AOAH: variants seen among roughly 807,000 people sequenced by gnomAD.
AOAH encodes the protein acyloxyacyl hydrolase (neutrophil).
AOAH carries 64 observed loss-of-function variants against 92.2 expected under a neutral mutation model. The ratio of observed to expected loss-of-function variants is 0.69; its 90% confidence interval spans 0.57 to 0.86. The LOEUF (loss-of-function observed/expected upper bound fraction) is 0.86, where lower values mean the gene tolerates loss of function less well. Ranked by LOEUF, AOAH falls within the 40% of genes least tolerant of loss-of-function variation. The pLI is 0.00. For synonymous variants in AOAH, 263 were observed against 254.5 expected (o/e 1.03, Z -0.32); for missense variants, 656 against 694.6 (o/e 0.94, Z 0.62).
chr7:36,687,443 G>A (rs1450671317), intron 1 of AOAH, among the ~76,000 whole-genome samples: 1 of 152,082 alleles, frequency 6.6e-6, no homozygotes, highest in Non-Finnish European at 1.5e-5. Flanking sequence ...ACTTTGATAT[G>A]TGGTAAGTGT....
At chr7:36,627,943 A>C (rs1265774922) in intron 6 of AOAH, among the ~76,000 whole-genome samples, 1 of 152,196 alleles carries the variant, frequency 6.6e-6, no homozygotes, top group Non-Finnish European at 1.5e-5. Flanking sequence ...AAAAATGGTG[A>C]GAATGAATCT....
At chr7:36,714,251 C>T (rs1194133784) in intron 1 of AOAH, among the ~76,000 whole-genome samples, 1 of 152,182 alleles carries the variant, frequency 6.6e-6, no homozygotes, top group Non-Finnish European at 1.5e-5. Context: ...TTCCTCAACA[C>T]ATACACTCTC....
intron 11 of AOAH, among the ~76,000 whole-genome samples, chr7:36,600,670 C>A (rs917257409): frequency 1.4e-4 from 22 of 151,748 alleles, no homozygotes; most frequent in African/African-American, 4.8e-4. Flanking sequence ...CAGCACCATC[C>A]TCAGCTTCCC....
Position 36,530,531 on chromosome 7 carries a change from CAGGG to C in AOAH, c.1426-21_1426-18del, listed in dbSNP as rs773682897. 4.5e-5 allele frequency: 70 copies of C among 1,554,460 alleles called. No homozygotes were observed. Among genetic ancestry groups the C allele is most frequent in the Non-Finnish European group, 6.0e-5 (68 of 1,127,338 alleles). On this transcript the variant is annotated intron_variant, in intron 18 of 20. Coordinates refer to ENST00000617537, the MANE Select transcript of AOAH (RefSeq NM_001637.4). ...CTCTGCTCTCTGAAGAGAGAGGAAACAGGGAGAATTTCATGAAATCTAGACTTTG... is the reference window on the plus strand; with the variant it reads ...CTCTGCTCTCTGAAGAGAGAGGAAACAGAATTTCATGAAATCTAGACTTTG...
At chr7:36,626,815 T>C (rs957637514) in intron 6 of AOAH, among the ~76,000 whole-genome samples, 1 of 152,326 alleles carries the variant, frequency 6.6e-6, no homozygotes, top group East Asian at 1.9e-4. Flanking sequence ...GACGGGGTCT[T>C]GCTCTGTTGC....
At chr7:36,712,705 C>T (rs187190088) in intron 1 of AOAH, among the ~76,000 whole-genome samples, 2 of 152,066 alleles carry the variant, frequency 1.3e-5, no homozygotes, top group East Asian at 3.8e-4. Context: ...GAATTTTCAG[C>T]CCAGAATTTC....
rs188399949 is a variant in AOAH at position 36,647,293 on chromosome 7, G to A, written c.391-9383C>T. On this transcript the variant is annotated intron_variant, in intron 4 of 20. Transcript: ENST00000617537. ...AAAACTTCTTAGAGGGAATGACTTT[G>A]AGCTGAGCTCTAATGGGGGTGATTA... is the stretch of plus-strand genomic sequence containing the variant. Among the ~76,000 whole-genome samples, 76 of 152,332 alleles carry A rather than the reference G, an allele frequency of 5.0e-4. 1 individual carries two copies. The highest frequency in any genetic ancestry group is 1.8e-3 in the African/African-American group (73 of 41,570).
At chr7:36,539,657 G>C (rs1207393547) in intron 16 of AOAH, among the ~76,000 whole-genome samples, 1 of 152,142 alleles carries the variant, frequency 6.6e-6, no homozygotes, top group Non-Finnish European at 1.5e-5. Flanking sequence ...TGAGCTCTGT[G>C]GCATTTGGCA....
rs1156758105 is a variant in AOAH at position 36,657,868 on chromosome 7, T to G, written c.390+1298A>C. The stretch of plus-strand genomic sequence containing the variant: ...CATTTTAAATGGGACAATTTAAAGT[T>G]GAACTTTTTGCGACTATGTGTAGCT... On this transcript the variant is annotated intron_variant, in intron 4 of 20. Coordinates refer to ENST00000617537, the MANE Select transcript of AOAH (RefSeq NM_001637.4). Among the ~76,000 whole-genome samples, 6 of 152,348 alleles carry G rather than the reference T, an allele frequency of 3.9e-5. No individual in the cohort carries two copies. The East Asian group carries it at 1.2e-3, about 29-fold the overall frequency.
intron 11 of AOAH, among the ~76,000 whole-genome samples, chr7:36,613,273 A>AT (rs1791605571): frequency 6.6e-6 from 1 of 152,196 alleles, no homozygotes; most frequent in Non-Finnish European, 1.5e-5. Context: ...GTGTTTAGTG[A>AT]TAAGTCTGAT....
chr7:36,547,028 T>C (rs1221976444), intron 15 of AOAH, among the ~76,000 whole-genome samples: 2 of 152,270 alleles, frequency 1.3e-5, no homozygotes, highest in African/African-American at 4.8e-5. Flanking sequence ...CCAGCTTTGA[T>C]GCTCAATACC....
intron 1 of AOAH, among the ~76,000 whole-genome samples, chr7:36,690,811 A>G (rs4605948): frequency 0.22 from 33,760 of 152,166 alleles, 4,526 homozygotes; most frequent in African/African-American, 0.37. Flanking sequence ...GCACAGGAAA[A>G]GAAGCAAATG....
At chr7:36,536,510 C>A (rs1441861350) in intron 16 of AOAH, among the ~76,000 whole-genome samples, 1 of 152,084 alleles carries the variant, frequency 6.6e-6, no homozygotes, top group Non-Finnish European at 1.5e-5. Flanking sequence ...ACCCTGAGGC[C>A]GGCCCAGCAT....
chr7:36,515,858 T>C (rs1411935077), intron 20 of AOAH, among the ~76,000 whole-genome samples: 5 of 54,302 alleles, frequency 9.2e-5, no homozygotes, highest in African/African-American at 1.5e-4. Context: ...ACCCCCCACA[T>C]ACAGAAACAC....
intron 13 of AOAH, among the ~76,000 whole-genome samples, chr7:36,573,733 T>C (rs1382285502): frequency 1.3e-5 from 2 of 152,008 alleles, no homozygotes; most frequent in Admixed American, 1.3e-4. Context: ...AATAAAAAAA[T>C]GCGTTATAAT....
At chr7:36,575,579 A>T (rs1453311944) in intron 13 of AOAH, among the ~76,000 whole-genome samples, 1 of 152,156 alleles carries the variant, frequency 6.6e-6, no homozygotes, top group Non-Finnish European at 1.5e-5. Context: ...TTGCCTTACA[A>T]TGTCTGTTGT....
chr7:36,587,098 C>A (rs1337630922), intron 12 of AOAH, among the ~76,000 whole-genome samples: 2 of 151,514 alleles, frequency 1.3e-5, no homozygotes, highest in Non-Finnish European at 2.9e-5. Flanking sequence ...ATGGTGAAAC[C>A]CTGTCTCTAC....
chr7:36,627,765 A>C (rs1172546241), intron 6 of AOAH, among the ~76,000 whole-genome samples: 7 of 152,056 alleles, frequency 4.6e-5, no homozygotes, highest in African/African-American at 1.7e-4. Context: ...GCCTGGTGTC[A>C]CTCGCTGCCC....
At chr7:36,691,359 A>G (rs1797385274) in intron 1 of AOAH, among the ~76,000 whole-genome samples, 1 of 152,230 alleles carries the variant, frequency 6.6e-6, no homozygotes, top group Admixed American at 6.5e-5. Flanking sequence ...TAATCACCTA[A>G]AATGTATCTT....
Sources: gnomAD v4.1 joint callset for allele counts (sites outside exome capture counted in the v4.1 genomes callset) on GRCh38, gnomAD v4.1.1 for gene constraint, MANE v1.5 for transcripts, NCBI Gene and HGNC (gene_info 2026-07-23, HGNC 2026-07-21) for gene names.